The following CLVS2 variants were observed in gnomAD, a reference collection of about 807,000 sequenced individuals.
The protein encoded by CLVS2 is clavesin 2.
Under a neutral mutation model 29.0 loss-of-function variants are expected in CLVS2, and 19 were observed. The observed-to-expected ratio is 0.66, with a 90% CI of 0.46 to 0.96. The LOEUF is 0.96. Ranked by LOEUF, CLVS2 falls within the 40% of genes least tolerant of loss-of-function variation. CLVS2 has a pLI of 0.00. For missense variants in CLVS2, 294 were observed against 404.1 expected, an observed-to-expected ratio of 0.73 and a Z score of 2.34; for synonymous variants, 161 against 151.3, an observed-to-expected ratio of 1.06 and a Z score of -0.47.
At chr6:123,004,961 A>G (rs894384896) in intron 2 of CLVS2, among the ~76,000 whole-genome samples, 2 of 132,598 alleles carry the variant, frequency 1.5e-5, no homozygotes, top group Admixed American at 7.2e-5. Flanking sequence ...AAAAAAAAAA[A>G]AAACCAATTA....
At chr6:123,051,525 C>T (rs530965248) in intron 4 of CLVS2, among the ~76,000 whole-genome samples, 1 of 152,282 alleles carries the variant, frequency 6.6e-6, no homozygotes, top group Non-Finnish European at 1.5e-5. Context: ...ACCCACTACC[C>T]TAGTGTATTC....
intron 2 of CLVS2, among the ~76,000 whole-genome samples, chr6:123,004,478 TA>T (rs1222945951): frequency 6.6e-6 from 1 of 152,212 alleles, no homozygotes; most frequent in Non-Finnish European, 1.5e-5. Context: ...ATTGTAGATT[TA>T]GCCATTTCTT....
At chr6:123,030,005 A>G (rs1266595451) in intron 3 of CLVS2, among the ~76,000 whole-genome samples, 1 of 152,218 alleles carries the variant, frequency 6.6e-6, no homozygotes, top group Non-Finnish European at 1.5e-5. Context: ...TGAAATGCTC[A>G]TAACCTCTGC....
At chr6:123,063,476 A>AT (rs1171692487) in intron 5 of CLVS2, among the ~76,000 whole-genome samples, 198 bp from the exon 6 acceptor site, 1 of 151,916 alleles carries the variant, frequency 6.6e-6, no homozygotes, top group East Asian at 1.9e-4. Context: ...GCCAGAGGGG[A>AT]TTTTTTTCCT....
In CLVS2 at chr6:123,067,667, C is replaced by T. The variant is rs1251896093; in HGVS notation, c.*3906C>T. The stretch of plus-strand genomic sequence containing the variant: ...TTTTTTACAACAATAAGCTCATAGG[C>T]ATATATTCCATTGTAGATCTGCTAT... On this transcript the variant is annotated 3_prime_UTR_variant, in exon 6 of 6. Coordinates refer to ENST00000275162, the MANE Select transcript of CLVS2 (RefSeq NM_001010852.4). 6.6e-6 allele frequency: 1 copy of T among 151,668 alleles called. No homozygotes were observed. The highest frequency in any genetic ancestry group is 1.9e-4 in the East Asian group (1 of 5,178). The allele number at this position is 151,668 out of a possible 1,614,324, so 9.4% of individuals were successfully genotyped here.
At chr6:123,009,689 G>T (rs1362975408) in intron 2 of CLVS2, among the ~76,000 whole-genome samples, 1 of 151,964 alleles carries the variant, frequency 6.6e-6, no homozygotes, top group Non-Finnish European at 1.5e-5. Context: ...AATCTCTCCT[G>T]AGTGTGTCCG....
rs1233851713 is a variant in CLVS2 at position 123,004,954 on chromosome 6, A to AAAC, written c.390-6029_390-6028insCAA. On this transcript the variant is annotated intron_variant, in intron 2 of 5. Transcript: ENST00000275162. ...AACAAAAACAAAAACAAAAAACAAA[A>AAAC]AAAAAAAAAACCAATTATCTATTCA... Among the ~76,000 whole-genome samples the AAAC allele has an allele frequency of 8.6e-3, 429 of 49,976 alleles. 2 individuals are homozygous for AAAC. The highest frequency in any genetic ancestry group is 0.036 in the African/African-American group (371 of 10,422). 32.8% of individuals were successfully genotyped at this position (49,976 alleles called of 152,430 possible).
intron 5 of CLVS2, among the ~76,000 whole-genome samples, chr6:123,058,478 T>C (rs1772727093): frequency 6.6e-6 from 1 of 152,192 alleles, no homozygotes; most frequent in African/African-American, 2.4e-5. Context: ...CTGTATCTTC[T>C]ACACATCACC....
intron 3 of CLVS2, among the ~76,000 whole-genome samples, chr6:123,029,259 C>T (rs1274009656): frequency 6.6e-6 from 1 of 152,122 alleles, no homozygotes; most frequent in Non-Finnish European, 1.5e-5. Flanking sequence ...TACACATTTC[C>T]CACTATTAGA....
chr6:123,011,528 C>G (rs1366081307), intron 3 of CLVS2, among the ~76,000 whole-genome samples: 6 of 151,804 alleles, frequency 4.0e-5, no homozygotes, highest in Non-Finnish European at 7.4e-5. Flanking sequence ...TTTCATTTAA[C>G]CTGGTGAATT....
rs1772882389 is a variant in CLVS2 at position 123,067,663 on chromosome 6, TA to T, written c.*3903del. 1 of 151,764 alleles carries T rather than the reference TA, an allele frequency of 6.6e-6. No homozygotes were observed. Among genetic ancestry groups the T allele is most frequent in the Admixed American group, 6.6e-5 (1 of 15,198 alleles). The allele number at this position is 151,764 out of a possible 1,614,324, so 9.4% of individuals were successfully genotyped here. A position where few individuals can be genotyped will look rare whatever the true frequency, so the allele number is the denominator to read the frequency against. On this transcript the variant is annotated 3_prime_UTR_variant, in exon 6 of 6. Coordinates refer to ENST00000275162, the MANE Select transcript of CLVS2 (RefSeq NM_001010852.4). ...TACATTTTTTACAACAATAAGCTCA[TA>T]GGCATATATTCCATTGTAGATCTGC...
chr6:123,009,403 G>A (rs1056030454), intron 2 of CLVS2, among the ~76,000 whole-genome samples: 1 of 152,076 alleles, frequency 6.6e-6, no homozygotes, highest in South Asian at 2.1e-4. Context: ...GATTTTACAG[G>A]TGAAGAAATG....
intron 3 of CLVS2, among the ~76,000 whole-genome samples, chr6:123,029,545 C>T (rs9490634): frequency 0.74 from 112,916 of 152,068 alleles, 42,440 homozygotes; most frequent in East Asian, 0.92. Flanking sequence ...TGTATCTTAG[C>T]ATTCATGAAT....
chr6:123,053,275 C>T (rs1339478769), intron 4 of CLVS2, among the ~76,000 whole-genome samples: 3 of 152,002 alleles, frequency 2.0e-5, no homozygotes, highest in African/African-American at 7.2e-5. Context: ...ACCCAGGAGG[C>T]GGAGGTTGCA....
chr6:123,065,685 GC>G lies in CLVS2; in HGVS notation c.*1926del, dbSNP rs1772843574. ...TTGCCTACCTGACATACATTTTGTA[GC>G]CATGGGCTTTTTAGACTATATAAAT... On this transcript the variant is annotated 3_prime_UTR_variant, in exon 6 of 6. Coordinates refer to ENST00000275162, the MANE Select transcript of CLVS2 (RefSeq NM_001010852.4). The G allele has an allele frequency of 6.6e-6, 1 of 151,698 alleles. No individual in the cohort carries two copies. The highest frequency in any genetic ancestry group is 1.5e-5 in the Non-Finnish European group (1 of 67,780). 9.4% of individuals were successfully genotyped at this position (151,698 alleles called of 1,614,324 possible). A position where few individuals can be genotyped will look rare whatever the true frequency, so the allele number is the denominator to read the frequency against.
rs1774500580 is a variant in CLVS2, at chr6:122,996,251, A to AGCAGCCGGAGCC, written c.-1052_-1041dup. 6.4e-6 allele frequency: 1 copy of AGCAGCCGGAGCC among 156,422 alleles called. No homozygotes were observed. The highest frequency in any genetic ancestry group is 2.4e-5 in the African/African-American group (1 of 41,516). 9.7% of individuals were successfully genotyped at this position (156,422 alleles called of 1,614,324 possible). On this transcript the variant is annotated 5_prime_UTR_variant, in exon 1 of 6. Coordinates refer to ENST00000275162, the MANE Select transcript of CLVS2 (RefSeq NM_001010852.4). ...CTGAGCCGAGTCCTCTTTCAGCAGC[A>AGCAGCCGGAGCC]GCAGCCGGAGCCGCCGCCGCAGCCC...
rs373028905 is a variant in CLVS2, at chr6:123,048,753, T to C, written c.675+21T>C. ...AAAGGGTATTCTTTTCTTTGATTTT[T>C]AATCCTTTCTCTTCCGCCATCCAAT... On this transcript the variant is annotated intron_variant, in intron 4 of 5. Transcript: ENST00000275162. 3.7e-5 allele frequency: 55 copies of C among 1,483,470 alleles called. No homozygotes were observed. The African/African-American group carries it at 6.4e-4, about 17-fold the overall frequency. The allele number at this position is 1,483,470 out of a possible 1,614,324, so 91.9% of individuals were successfully genotyped here. A position where few individuals can be genotyped will look rare whatever the true frequency, so the allele number is the denominator to read the frequency against.
chr6:123,031,578 A>T (rs1297891042), intron 3 of CLVS2, among the ~76,000 whole-genome samples: 2 of 152,246 alleles, frequency 1.3e-5, no homozygotes, highest in Admixed American at 1.3e-4. Flanking sequence ...TATCTTGATT[A>T]TAGTGATTAT....
At chr6:123,037,885 A>G (rs1775176402) in intron 3 of CLVS2, among the ~76,000 whole-genome samples, 1 of 152,176 alleles carries the variant, frequency 6.6e-6, no homozygotes, top group Admixed American at 6.6e-5. Context: ...TGCCCCTACT[A>G]AATCAATGTT....
Sources: allele counts gnomAD v4.1 joint callset (sites outside exome capture counted in the v4.1 genomes callset), GRCh38; gene constraint gnomAD v4.1.1; transcripts MANE v1.5; gene names NCBI Gene and HGNC (gene_info 2026-07-23, HGNC 2026-07-21).